KIF26A: variants seen among roughly 807,000 people sequenced by gnomAD.
The protein encoded by KIF26A is kinesin-like protein KIF26A.
KIF26A carries 74 observed loss-of-function variants against 126.0 expected under a neutral mutation model. The observed-to-expected ratio is 0.59, with a 90% CI of 0.49 to 0.71. The LOEUF (loss-of-function observed/expected upper bound fraction) is 0.71. KIF26A is among the 30% of genes least tolerant of loss of function. KIF26A has a pLI of 0.00. For synonymous variants in KIF26A, 1,445 were observed against 1,232.7 expected (o/e 1.17, Z -3.61); for missense variants, 2,984 against 2,763.3 (o/e 1.08, Z -1.79).
chr14:104,170,092 C>T (rs2037942833), intron 5 of KIF26A, among the ~76,000 whole-genome samples: 1 of 152,134 alleles, frequency 6.6e-6, no homozygotes, highest in Non-Finnish European at 1.5e-5. Context: ...AAAGGGTGGC[C>T]GGCAGACGTA....
chr14:104,165,941 T>A (rs1038170728), intron 4 of KIF26A, among the ~76,000 whole-genome samples: 4 of 151,344 alleles, frequency 2.6e-5, no homozygotes, highest in African/African-American at 9.7e-5. Context: ...CTGGAGGGTG[T>A]GTTAAACCCA....
intron 5 of KIF26A, among the ~76,000 whole-genome samples, chr14:104,171,401 C>T (rs1172766446): frequency 6.6e-6 from 1 of 152,202 alleles, no homozygotes; most frequent in Admixed American, 6.5e-5. Context: ...CTGAGCTGCT[C>T]TGCAGGACCT....
At chr14:104,162,255 A>G (rs2037840112) in intron 4 of KIF26A, among the ~76,000 whole-genome samples, 1 of 152,156 alleles carries the variant, frequency 6.6e-6, no homozygotes, top group African/African-American at 2.4e-5. Flanking sequence ...AGGCGCCTCA[A>G]GTTAGGTCAG....
chr14:104,158,118 C>T (rs1428870451), intron 4 of KIF26A, among the ~76,000 whole-genome samples, 176 bp downstream of exon 4: 2 of 152,220 alleles, frequency 1.3e-5, no homozygotes, highest in Non-Finnish European at 2.9e-5. Context: ...CTGCCGGCCT[C>T]TCGGGCCCCA....
intron 4 of KIF26A, 106 bp from the exon 5 acceptor site, chr14:104,166,753 G>A (rs2037907656): frequency 2.7e-6 from 3 of 1,097,764 alleles, no homozygotes; most frequent in East Asian, 2.8e-5. Context: ...TCCTGGGATG[G>A]TGGCTGATGA....
In KIF26A at chr14:104,178,197, C is replaced by T. The variant is rs115755158; in HGVS notation, c.5110+299C>T. Among the ~76,000 whole-genome samples, 366 of 152,254 alleles carry T rather than the reference C, an allele frequency of 2.4e-3. 1 individual carries two copies. The highest frequency in any genetic ancestry group is 7.6e-3 in the African/African-American group (316 of 41,558). ...AGCACAAGGGCAGCCCTGCACAGGT[C>T]GCCAGGCTGGGGCACTGGACTCGGG... On this transcript the variant is annotated intron_variant, in intron 12 of 14. Coordinates refer to ENST00000423312, the MANE Select transcript of KIF26A (RefSeq NM_015656.2).
chr14:104,175,807 C>A lies in KIF26A; in HGVS notation c.3019C>A (p.Arg1007Ser), dbSNP rs780077751. Residue 1007 changes from arginine (R) to serine (S), a missense_variant, in exon 12 of 15, where the codon CGC becomes AGC. Physicochemically the swap from Arg to Ser is moderately radical, Grantham distance 110. Coordinates refer to ENST00000423312, the MANE Select transcript of KIF26A (RefSeq NM_015656.2). Reference sequence around the variant, plus strand: ...CTGCCCCCGCCTGGCTGCTGGCAGTCGCTGTCCGGAGCGGGGCCTGCTCAC... The same window carrying A: ...CTGCCCCCGCCTGGCTGCTGGCAGTAGCTGTCCGGAGCGGGGCCTGCTCAC... ...ATCPRLAAGS[R>S]CPERGLLTTT... 1 of 1,539,328 alleles carries A rather than the reference C, an allele frequency of 6.5e-7. No homozygotes were observed. Among genetic ancestry groups the A allele is most frequent in the Non-Finnish European group, 8.7e-7 (1 of 1,146,936 alleles).
rs2037732872 is a variant in KIF26A at position 104,151,910 on chromosome 14, G to C, written c.289-105G>C. The C allele has an allele frequency of 2.1e-6, 2 of 945,270 alleles. No homozygotes were observed. The highest frequency in any genetic ancestry group is 2.7e-5 in the South Asian group (2 of 73,088). The allele number at this position is 945,270 out of a possible 1,614,324, so 58.6% of individuals were successfully genotyped here. A position where few individuals can be genotyped will look rare whatever the true frequency, so the allele number is the denominator to read the frequency against. The stretch of plus-strand genomic sequence containing the variant: ...TCTGTTACGGATGGTGCGGTGGCCA[G>C]GCGGGAGCTCGCAGCGTCATGGACG... On this transcript the variant is annotated intron_variant, in intron 2 of 14. Transcript: ENST00000423312. The surrounding 1 kb of genome is among the most constrained non-coding windows in gnomAD (Gnocchi z 4.9).
intron 3 of KIF26A, 61 bp from the exon 4 acceptor site, chr14:104,157,694 C>A: frequency 6.5e-7 from 1 of 1,529,418 alleles, no homozygotes; most frequent in Non-Finnish European, 8.8e-7. Context: ...ACTCCGGGTG[C>A]CAGGGGGCAG....
chr14:104,158,036 C>T (rs1359240633), intron 4 of KIF26A, 94 bp downstream of exon 4: 20 of 1,184,528 alleles, frequency 1.7e-5, no homozygotes, highest in Non-Finnish European at 2.2e-5. Context: ...CTTGGGGGAC[C>T]TCGGGCATGC....
At chr14:104,174,896 C>T (rs2037999122) in intron 11 of KIF26A, 86 bp from the exon 12 acceptor site, 2 of 1,352,504 alleles carry the variant, frequency 1.5e-6, no homozygotes, top group African/African-American at 1.5e-5. Flanking sequence ...GTGACCGCAG[C>T]ATTGGCCCTG....
intron 2 of KIF26A, 32 bp downstream of exon 2, chr14:104,139,320 G>A (rs2037614562): frequency 2.8e-6 from 4 of 1,409,652 alleles, no homozygotes; most frequent in Admixed American, 3.1e-5. Flanking sequence ...CGACCCCTCC[G>A]AGCAGGGCCA....
Position 104,174,287 on chromosome 14 carries a change from C to T in KIF26A, c.2170C>T (p.Arg724Cys), listed in dbSNP as rs770871425. 44 of 1,556,064 alleles carry T rather than the reference C, an allele frequency of 2.8e-5. No homozygotes were observed. The highest frequency in any genetic ancestry group is 3.3e-5 in the Non-Finnish European group (38 of 1,151,190). ...STVQLAARIH[R>C]LRRKKAKYAS... is the part of the protein sequence containing the mutation. ...CGTGCAGCTCGCCGCCCGCATCCAC[C>T]GCCTGCGCAGGAAGAAGGCCAAGGT... The change falls in exon 11 of 15, where the codon CGC (arginine) becomes TGC (cysteine). Residue 724 changes from arginine to cysteine, a missense_variant. Arg to Cys is a radical substitution (Grantham distance 180). Coordinates refer to ENST00000423312, the MANE Select transcript of KIF26A (RefSeq NM_015656.2).
In KIF26A at chr14:104,180,473, A is replaced by C. The variant is rs1016431619; in HGVS notation, c.*683A>C. The C allele has an allele frequency of 6.6e-6, 1 of 152,236 alleles. No homozygotes were observed. Among genetic ancestry groups the C allele is most frequent in the African/African-American group, 2.4e-5 (1 of 41,448 alleles). 9.4% of individuals were successfully genotyped at this position (152,236 alleles called of 1,614,324 possible). ...TTTTTACCAAAACCACAAGCAAAAA[A>C]CAAAACAGACCACCACGACCAACAA... On this transcript the variant is annotated 3_prime_UTR_variant, in exon 15 of 15. Transcript: ENST00000423312.
chr14:104,172,982 T>A lies in KIF26A; in HGVS notation c.1426T>A (p.Ser476Thr), dbSNP rs748338478. ...GACGCCTGCGTGGCCCCCAGGCAAG[T>A]CGTACACCATGATCGGGAAGGACAG... is the stretch of plus-strand genomic sequence containing the variant. ...FSFGHMSLGKSYTMIGKDSSP... is the reference protein window; with the variant it reads ...FSFGHMSLGKTYTMIGKDSSP... Residue 476 changes from serine (S) to threonine (T), a missense_variant, in exon 8 of 15, where the codon TCG becomes ACG. Transcript: ENST00000423312. The A allele has an allele frequency of 1.9e-6, 3 of 1,593,838 alleles. No individual in the cohort carries two copies. The highest frequency in any genetic ancestry group is 2.6e-6 in the Non-Finnish European group (3 of 1,168,540).
In KIF26A at chr14:104,174,987, C is replaced by T. The variant is rs1315148934; in HGVS notation, c.2199C>T (p.Ala733=). The T allele has an allele frequency of 1.9e-6, 3 of 1,541,224 alleles. No homozygotes were observed. The highest frequency in any genetic ancestry group is 1.9e-5 in the Admixed American group (1 of 52,288). ...CTCCACTTTTCTTCCCCCAGTACGC[C>T]TCCAGCTCCTCTGGCGGGGAGAGCT... ...HRLRRKKAKY[A]SSSSGGESSC... Residue 733 remains alanine, a synonymous_variant, in exon 12 of 15, where the codon GCC becomes GCT. Coordinates refer to ENST00000423312, the MANE Select transcript of KIF26A (RefSeq NM_015656.2).
chr14:104,157,479 C>T (rs565871242), intron 3 of KIF26A, among the ~76,000 whole-genome samples: 3 of 152,264 alleles, frequency 2.0e-5, no homozygotes, highest in African/African-American at 7.2e-5. Context: ...CTGCCTCCCT[C>T]TCTGCCTCCA....
At position 104,167,010 on chromosome 14, in the gene KIF26A, G is replaced by A. The variant is rs750373863; in HGVS notation, c.1075G>A (p.Ala359Thr). Residue 359 changes from alanine (A) to threonine (T), a missense_variant, in exon 5 of 15, where the codon GCC becomes ACC. Transcript: ENST00000423312. ...PPAPPCLLRA[A>T]SKTKDNPGSI... The stretch of plus-strand genomic sequence containing the variant: ...GGCGCCCCCCTGCCTGCTCAGGGCC[G>A]CCTCCAAGACCAAGGACAACCCTGG... 9.6e-5 allele frequency: 152 copies of A among 1,580,054 alleles called. No homozygotes were observed. In the Middle Eastern group the frequency reaches 1.5e-3, roughly 16 times the overall value.
chr14:104,169,990 C>T (rs973895102), intron 5 of KIF26A, among the ~76,000 whole-genome samples: 1 of 152,156 alleles, frequency 6.6e-6, no homozygotes, highest in African/African-American at 2.4e-5. Flanking sequence ...GGCGGTGCCC[C>T]CACTGTGGGC....
Sources: gnomAD v4.1 joint callset for allele counts (sites outside exome capture counted in the v4.1 genomes callset) on GRCh38, gnomAD v4.1.1 for gene constraint, Gnocchi (gnomAD v3.1) non-coding constraint, MANE v1.5 for transcripts, NCBI Gene and HGNC (gene_info 2026-07-23, HGNC 2026-07-21) for gene names.